SPECC1: variants seen among roughly 807,000 people sequenced by gnomAD.
The protein encoded by SPECC1 is sperm antigen with calponin homology and coiled-coil domains 1.
Under a neutral mutation model 104.1 loss-of-function variants are expected in SPECC1, and 62 were observed. That is an observed-to-expected ratio of 0.60 (90% CI 0.49 to 0.74). The LOEUF (loss-of-function observed/expected upper bound fraction) is 0.74. SPECC1 is among the 30% of genes least tolerant of loss of function. The pLI is 0.00. For synonymous variants in SPECC1, 513 were observed against 501.6 expected (o/e 1.02, Z -0.30); for missense variants, 1,306 against 1,310.5 (o/e 1.00, Z 0.05).
At chr17:20,198,291 A>G (rs1209051259) in intron 3 of SPECC1, among the ~76,000 whole-genome samples, 4 of 152,324 alleles carry the variant, frequency 2.6e-5, no homozygotes, top group South Asian at 2.1e-4. Context: ...CCTGAGTAAC[A>G]GAAAAGATAG....
At chr17:20,216,249 G>T (rs2037481184) in intron 4 of SPECC1, among the ~76,000 whole-genome samples, 1 of 152,072 alleles carries the variant, frequency 6.6e-6, no homozygotes, top group Non-Finnish European at 1.5e-5. Flanking sequence ...AATATCTGCA[G>T]TCGGGGAGAG....
chr17:20,226,852 C>G (rs1399848390), intron 4 of SPECC1, among the ~76,000 whole-genome samples: 1 of 152,142 alleles, frequency 6.6e-6, no homozygotes, highest in Non-Finnish European at 1.5e-5. Flanking sequence ...ATTGCAGCCC[C>G]AAGTATCTTA....
chr17:20,108,305 C>T (rs1567848818), intron 2 of SPECC1, among the ~76,000 whole-genome samples: 2 of 150,712 alleles, frequency 1.3e-5, no homozygotes, highest in African/African-American at 4.9e-5. Flanking sequence ...TGCAAACTTC[C>T]TTCACTCCAA....
rs2151459874 is a variant in SPECC1 at position 20,227,594 on chromosome 17, A to G, written c.2045A>G (p.Asn682Ser). 3 of 1,612,242 alleles carry G rather than the reference A, an allele frequency of 1.9e-6. No homozygotes were observed. Among genetic ancestry groups the G allele is most frequent in the East Asian group, 2.2e-5 (1 of 44,868 alleles). ...CAGCACCGGGCTGTCAAGTTACACAATAATCAACTCATCAGTGAGCTAGAA... is the reference window on the plus strand; with the variant it reads ...CAGCACCGGGCTGTCAAGTTACACAGTAATCAACTCATCAGTGAGCTAGAA... ...VEQHRAVKLH[N>S]NQLISELESS... The change falls in exon 5 of 15, where the codon AAT (asparagine) becomes AGT (serine). Residue 682 changes from asparagine to serine, a missense_variant. Around this residue, in one of 2 missense-constraint regions of SPECC1, gnomAD observed 1,177 missense variants for 1,139.9 expected, o/e 1.03. Coordinates refer to ENST00000395527, the MANE Select transcript of SPECC1 (RefSeq NM_001243439.2).
chr17:20,105,408 A>G (rs551815315), intron 2 of SPECC1, among the ~76,000 whole-genome samples: 40 of 152,276 alleles, frequency 2.6e-4, no homozygotes, highest in Middle Eastern at 6.8e-3. Context: ...CCTGGGTCAT[A>G]TAGGTAGGAA....
chr17:20,276,286 C>G (rs1172648339), intron 12 of SPECC1, among the ~76,000 whole-genome samples: 4 of 151,910 alleles, frequency 2.6e-5, no homozygotes, highest in Admixed American at 2.0e-4. Flanking sequence ...CTGGCTAATT[C>G]TTTAAAAAAT....
At chr17:20,230,040 G>T (rs902197331) in intron 5 of SPECC1, among the ~76,000 whole-genome samples, 2 of 152,198 alleles carry the variant, frequency 1.3e-5, no homozygotes, top group African/African-American at 4.8e-5. Flanking sequence ...AAAAATACTT[G>T]CTAAGTGTTA....
intron 1 of SPECC1, among the ~76,000 whole-genome samples, chr17:20,031,621 GC>G (rs2044817272): frequency 6.6e-6 from 1 of 152,098 alleles, no homozygotes; most frequent in African/African-American, 2.4e-5. Flanking sequence ...TTTTTATCTT[GC>G]AAAACTGAAA....
chr17:20,298,221 G>A (rs1328493571), intron 13 of SPECC1, among the ~76,000 whole-genome samples: 1 of 152,132 alleles, frequency 6.6e-6, no homozygotes, highest in African/African-American at 2.4e-5. Context: ...GCATGGTGGT[G>A]CACACCTGTA....
intron 11 of SPECC1, 106 bp from the exon 12 acceptor site, chr17:20,260,086 A>G (rs748950981): frequency 2.1e-4 from 167 of 798,604 alleles, no homozygotes; most frequent in Admixed American, 6.4e-4. Flanking sequence ...ATCTTGCTGG[A>G]TAAACTAGAC....
At chr17:20,039,198 G>A in intron 1 of SPECC1, among the ~76,000 whole-genome samples, 1 of 152,202 alleles carries the variant, frequency 6.6e-6, no homozygotes, top group East Asian at 1.9e-4. Flanking sequence ...GATATGTTCA[G>A]TGAATACTTG....
intron 1 of SPECC1, among the ~76,000 whole-genome samples, chr17:20,072,568 G>A (rs1285029749): frequency 6.6e-6 from 1 of 152,192 alleles, no homozygotes; most frequent in African/African-American, 2.4e-5. Flanking sequence ...CCTTGGCCAG[G>A]TGGGGCATGG....
chr17:20,304,052 G>T (rs1277852203), intron 13 of SPECC1, among the ~76,000 whole-genome samples: 2 of 144,602 alleles, frequency 1.4e-5, no homozygotes, highest in East Asian at 2.1e-4. Context: ...TAGGCAGATC[G>T]CTTGAGCCCA....
chr17:20,256,522 A>C (rs181510582), intron 10 of SPECC1, among the ~76,000 whole-genome samples: 3 of 152,250 alleles, frequency 2.0e-5, no homozygotes, highest in Admixed American at 2.0e-4. Flanking sequence ...AATTGGTGGC[A>C]GTGAGCTGTG....
intron 2 of SPECC1, among the ~76,000 whole-genome samples, chr17:20,101,065 T>C (rs1245381288): frequency 1.3e-5 from 2 of 152,234 alleles, no homozygotes; most frequent in Non-Finnish European, 2.9e-5. Flanking sequence ...CAGTCTATCA[T>C]TGATGGATGT....
chr17:20,295,222 C>T (rs1278719889), intron 12 of SPECC1, among the ~76,000 whole-genome samples: 3 of 141,836 alleles, frequency 2.1e-5, no homozygotes, highest in Non-Finnish European at 4.5e-5. Flanking sequence ...ACCCTGTGGC[C>T]AAGTGTTCTC....
At chr17:20,164,795 C>T (rs1016050602) in intron 3 of SPECC1, among the ~76,000 whole-genome samples, 3 of 152,164 alleles carry the variant, frequency 2.0e-5, no homozygotes, top group African/African-American at 7.2e-5. Flanking sequence ...TCATAATACT[C>T]ATGTGCCTTA....
At chr17:20,017,336 G>A (rs1046008711) in intron 1 of SPECC1, 1 of 152,360 alleles carries the variant, frequency 6.6e-6, no homozygotes, top group African/African-American at 2.4e-5. Flanking sequence ...AACAACTCTA[G>A]ATGCGCCCCC....
At chr17:20,194,501 A>ATTTTTTTTTTTTTTTTTTTTTTTTT (rs1567923485) in intron 3 of SPECC1, among the ~76,000 whole-genome samples, 2 of 68,130 alleles carry the variant, frequency 2.9e-5, no homozygotes, top group East Asian at 2.5e-3. Context: ...AAAGAGAACG[A>ATTTTTTTTTTTTTTTTTTTTTTTTT]ATTTTTTTTT....
Sources: allele counts gnomAD v4.1 joint callset (sites outside exome capture counted in the v4.1 genomes callset), GRCh38; gene constraint gnomAD v4.1.1; regional missense constraint gnomAD v4.1.1; transcripts MANE v1.5; gene names NCBI Gene and HGNC (gene_info 2026-07-23, HGNC 2026-07-21).